The following ARRDC5 variants were observed in gnomAD, a reference collection of about 807,000 sequenced individuals.
ARRDC5 encodes arrestin domain containing 5.
A neutral mutation model predicts 13.3 loss-of-function variants in ARRDC5; 12 were observed. That is an observed-to-expected ratio of 0.90 (90% CI 0.58 to 1.46). The LOEUF is 1.46. Ranked by LOEUF, ARRDC5 falls within the 40% of genes most tolerant of loss-of-function variation. ARRDC5 has a pLI of 0.00. For synonymous variants in ARRDC5, 181 were observed against 173.4 expected (o/e 1.04, Z -0.34); for missense variants, 406 against 418.7 (o/e 0.97, Z 0.26).
upstream of ARRDC5, among the ~76,000 whole-genome samples, chr19:4,906,975 G>A (rs2032076492): frequency 1.3e-5 from 2 of 152,260 alleles, no homozygotes; most frequent in Non-Finnish European, 2.9e-5. Flanking sequence ...TGAGGGTCTA[G>A]AATTGTGTGC....
At chr19:4,909,539 G>A in the ARRDC5 span, 4 of 659,818 alleles carry the variant, frequency 6.1e-6, no homozygotes, top group East Asian at 1.3e-4. Flanking sequence ...TTTGCCGAGC[G>A]GGCGCTCCGG....
intron 2 of ARRDC5, among the ~76,000 whole-genome samples, chr19:4,892,576 C>T (rs2031549665): frequency 6.7e-6 from 1 of 148,970 alleles, no homozygotes; most frequent in Non-Finnish European, 1.5e-5. Context: ...CCAGGCTAGT[C>T]TCAAACTCCT....
chr19:4,895,443 A>G (rs1398978074), intron 2 of ARRDC5, among the ~76,000 whole-genome samples: 1 of 150,966 alleles, frequency 6.6e-6, no homozygotes, highest in Non-Finnish European at 1.5e-5. Context: ...AAAAAAAAAA[A>G]AAAAGAAAGA....
chr19:4,903,032 T>TTTCACTGGTTCTTC (rs1226077325), upstream of ARRDC5: 11 of 551,636 alleles, frequency 2.0e-5, no homozygotes, highest in Non-Finnish European at 3.2e-5. Context: ...ACTGGTTCTT[T>TTTCACTGGTTCTTC]TTTTTTTTTT....
At chr19:4,893,265 G>T (rs1010098055) in intron 2 of ARRDC5, among the ~76,000 whole-genome samples, 1 of 143,778 alleles carries the variant, frequency 7.0e-6, no homozygotes, top group South Asian at 2.1e-4. Context: ...CAGCACTTTG[G>T]GGGGCCGAGG....
At chr19:4,898,683 G>C (rs1463500433) in intron 1 of ARRDC5, among the ~76,000 whole-genome samples, 2 of 66,112 alleles carry the variant, frequency 3.0e-5, no homozygotes, top group Non-Finnish European at 8.2e-5. Flanking sequence ...TTTTTTTTGA[G>C]ACAGGGTCTC....
chr19:4,898,074 G>A (rs888377906), intron 1 of ARRDC5, among the ~76,000 whole-genome samples: 2 of 152,082 alleles, frequency 1.3e-5, no homozygotes, highest in African/African-American at 4.8e-5. Flanking sequence ...GTGACAGAGC[G>A]AGACGCCATC....
intron 1 of ARRDC5, among the ~76,000 whole-genome samples, chr19:4,901,286 T>C (rs548500123): frequency 6.6e-6 from 1 of 152,252 alleles, no homozygotes; most frequent in African/African-American, 2.4e-5. Context: ...ACCACTGGCC[T>C]CTAGCCTGGG....
At chr19:4,909,395 G>T in the ARRDC5 span, 1 of 636,446 alleles carries the variant, frequency 1.6e-6, no homozygotes, top group Non-Finnish European at 2.8e-6. Context: ...CCTCTTTCTC[G>T]CTTCCCGCCA....
At chr19:4,915,382 C>A in the ARRDC5 span, among the ~76,000 whole-genome samples, 6 of 152,164 alleles carry the variant, frequency 3.9e-5, no homozygotes, top group Admixed American at 3.9e-4. Context: ...ATCTGTAAAC[C>A]GGTGGGCGTG....
At chr19:4,893,011 G>A (rs1183709632) in intron 2 of ARRDC5, among the ~76,000 whole-genome samples, 1 of 150,234 alleles carries the variant, frequency 6.7e-6, no homozygotes, top group Admixed American at 6.8e-5. Flanking sequence ...GCTGAGGCGG[G>A]AGAATTGCTG....
At chr19:4,912,154 C>A in the ARRDC5 span, among the ~76,000 whole-genome samples, 2 of 152,126 alleles carry the variant, frequency 1.3e-5, no homozygotes, top group Non-Finnish European at 2.9e-5. Flanking sequence ...TGAGTTAACC[C>A]GCCCTGCCCC....
Position 4,895,412 on chromosome 19 carries a change from G to A in ARRDC5, c.459+1259C>T, listed in dbSNP as rs1314285864. Among the ~76,000 whole-genome samples the A allele has an allele frequency of 5.1e-5, 5 of 97,892 alleles. No homozygotes were observed. The East Asian group carries it at 1.7e-3, about 32-fold the overall frequency. The allele number at this position is 97,892 out of a possible 152,430, so 64.2% of individuals were successfully genotyped here. On this transcript the variant is annotated intron_variant, in intron 2 of 2. Coordinates refer to ENST00000650722, the MANE Select transcript of ARRDC5 (RefSeq NM_001080523.3). ...CACTCCCGCCTGGGTGACAAAGTGA[G>A]ACTCCGTCTCAAAAAAAAAAAAAAA...
chr19:4,894,505 C>T (rs1433992853), intron 2 of ARRDC5, among the ~76,000 whole-genome samples: 4 of 21,536 alleles, frequency 1.9e-4, no homozygotes, highest in South Asian at 1.8e-3. Context: ...AGCGAGACTC[C>T]GTCTCAAAAA....
chr19:4,901,359 T>C (rs764386315), intron 1 of ARRDC5, among the ~76,000 whole-genome samples: 2 of 152,092 alleles, frequency 1.3e-5, no homozygotes, highest in Non-Finnish European at 2.9e-5. Context: ...CTCATGCCTG[T>C]AATCCCAGTA....
the ARRDC5 span, among the ~76,000 whole-genome samples, chr19:4,912,200 G>A: frequency 2.6e-5 from 4 of 152,174 alleles, no homozygotes; most frequent in African/African-American, 4.8e-5. Context: ...GGGAGTTGAC[G>A]GTGCAAGCCG....
the ARRDC5 span, chr19:4,909,060 A>C: frequency 6.2e-6 from 1 of 161,072 alleles, no homozygotes; most frequent in Admixed American, 6.5e-5. Context: ...GCTTGGGGCG[A>C]TCGGGCGAGC....
the ARRDC5 span, among the ~76,000 whole-genome samples, chr19:4,911,381 C>A: frequency 6.6e-6 from 1 of 152,132 alleles, no homozygotes; most frequent in Non-Finnish European, 1.5e-5. Context: ...CGAGAAAGGG[C>A]CCAGGACCAT....
chr19:4,907,255 A>C (rs1599228764), upstream of ARRDC5, among the ~76,000 whole-genome samples: 1 of 151,656 alleles, frequency 6.6e-6, no homozygotes, highest in African/African-American at 2.4e-5. Flanking sequence ...GATTATAGGC[A>C]CACACCACCC....
Sources: allele counts gnomAD v4.1 joint callset (sites outside exome capture counted in the v4.1 genomes callset), GRCh38; gene constraint gnomAD v4.1.1; transcripts MANE v1.5; gene names NCBI Gene and HGNC (gene_info 2026-07-23, HGNC 2026-07-21).